FBXO21: variants seen among roughly 807,000 people sequenced by gnomAD.
The protein encoded by FBXO21 is F-box protein 21.
In FBXO21, 32 loss-of-function variants were observed where a neutral mutation model predicts 76.6. That is an observed-to-expected ratio of 0.42 (90% CI 0.32 to 0.56). The LOEUF is 0.56. FBXO21 is among the 20% of genes least tolerant of loss of function. The pLI, the probability that FBXO21 is intolerant of heterozygous loss-of-function variation, is 0.16. For synonymous variants in FBXO21, 328 were observed against 311.5 expected (o/e 1.05, Z -0.56); for missense variants, 586 against 797.3 (o/e 0.73, Z 3.19).
chr12:117,155,968 C>T lies in FBXO21; in HGVS notation c.1518-20G>A. The T allele has an allele frequency of 6.2e-7, 1 of 1,612,220 alleles. No homozygotes were observed. The highest frequency in any genetic ancestry group is 1.1e-5 in the South Asian group (1 of 91,046). Reference sequence around the variant, plus strand: ...CCATACCTAGTTAACACAGGAGGAGCAGTCAGTCCCTGCAGACCCGGCCGC... The same window carrying T: ...CCATACCTAGTTAACACAGGAGGAGTAGTCAGTCCCTGCAGACCCGGCCGC... On this transcript the variant is annotated intron_variant, in intron 10 of 11. Transcript: ENST00000622495.
Position 117,190,440 on chromosome 12 carries a change from ACTG to A in FBXO21, c.14_16del (p.Ala5del). On this transcript the variant is annotated inframe_deletion, in exon 1 of 12. Coordinates refer to ENST00000622495, the MANE Select transcript of FBXO21 (RefSeq NM_015002.3). Reference sequence around the variant, plus strand: ...CGGCACCACCTCCATCGCGCTGTCGACTGCTGCCGCCGCCATCTTGTCCGCGTA... The same window carrying A: ...CGGCACCACCTCCATCGCGCTGTCGACTGCCGCCGCCATCTTGTCCGCGTA... 1 of 1,391,180 alleles carries A rather than the reference ACTG, an allele frequency of 7.2e-7. No individual in the cohort carries two copies. Among genetic ancestry groups the A allele is most frequent in the Non-Finnish European group, 9.6e-7 (1 of 1,043,550 alleles). The allele number at this position is 1,391,180 out of a possible 1,614,324, so 86.2% of individuals were successfully genotyped here.
At chr12:117,183,296 G>A (rs935011819) in intron 3 of FBXO21, among the ~76,000 whole-genome samples, 1 of 151,400 alleles carries the variant, frequency 6.6e-6, no homozygotes, top group East Asian at 1.9e-4. Flanking sequence ...TGTCACCCAG[G>A]CTGGAATGCA....
At chr12:117,170,605 T>C (rs1956108257) in intron 7 of FBXO21, among the ~76,000 whole-genome samples, 1 of 152,152 alleles carries the variant, frequency 6.6e-6, no homozygotes, top group African/African-American at 2.4e-5. Context: ...GCCTTGTCCC[T>C]GAGGGCTGAG....
chr12:117,187,953 G>C (rs1271465870), intron 2 of FBXO21, among the ~76,000 whole-genome samples: 1 of 152,164 alleles, frequency 6.6e-6, no homozygotes, highest in Non-Finnish European at 1.5e-5. Context: ...TTACACTAAG[G>C]AATGTCTATT....
Position 117,174,285 on chromosome 12 carries a change from T to C in FBXO21, c.796A>G (p.Asn266Asp), listed in dbSNP as rs759588241. The change falls in exon 6 of 12, where the codon AAC becomes GAC. Residue 266 changes from asparagine (N) to aspartate (D), a missense_variant. By Grantham distance (23) the Asn-to-Asp change is conservative (BLOSUM62 1). Around this residue, in one of 6 missense-constraint regions of FBXO21, gnomAD observed 246 missense variants for 356.8 expected, o/e 0.69. Coordinates refer to ENST00000622495, the MANE Select transcript of FBXO21 (RefSeq NM_015002.3). ...ELQSQVLDAMNYVLYDQLKFK... is the reference protein window; with the variant it reads ...ELQSQVLDAMDYVLYDQLKFK... ...TTCAGTTGGTCGTAAAGGACATAGT[T>C]CATGGCATCCAGCACCTGGCTCTGG... 1 of 1,613,894 alleles carries C rather than the reference T, an allele frequency of 6.2e-7. No homozygotes were observed. The highest frequency in any genetic ancestry group is 1.1e-5 in the South Asian group (1 of 91,078).
At chr12:117,157,204 A>T (rs564810893) in intron 10 of FBXO21, among the ~76,000 whole-genome samples, 3 of 152,202 alleles carry the variant, frequency 2.0e-5, no homozygotes, top group African/African-American at 7.2e-5. Context: ...AAAAGAAAAA[A>T]AGAAAAGAAA....
chr12:117,175,796 T>C (rs1956166981), intron 4 of FBXO21, among the ~76,000 whole-genome samples: 1 of 152,228 alleles, frequency 6.6e-6, no homozygotes, highest in Non-Finnish European at 1.5e-5. Context: ...GAGAGCCAAC[T>C]GTCATTCACT....
At chr12:117,182,695 C>T (rs1258531340) in intron 3 of FBXO21, among the ~76,000 whole-genome samples, 3 of 151,432 alleles carry the variant, frequency 2.0e-5, no homozygotes, top group East Asian at 1.9e-4. Flanking sequence ...CCCGAGTAGC[C>T]GGGATTACAG....
In FBXO21 at chr12:117,143,004, C is replaced by A. The variant is rs1319113115; in HGVS notation, c.*3083G>T. The A allele has an allele frequency of 6.6e-6, 1 of 152,110 alleles. No homozygotes were observed. Among genetic ancestry groups the A allele is most frequent in the African/African-American group, 2.4e-5 (1 of 41,366 alleles). 9.4% of individuals were successfully genotyped at this position (152,110 alleles called of 1,614,324 possible). A position where few individuals can be genotyped will look rare whatever the true frequency, so the allele number is the denominator to read the frequency against. ...AAAATCATTTTGCTGTGTAAACGCG[C>A]TTATAATGGGGATCTGTTATGAGTC... On this transcript the variant is annotated 3_prime_UTR_variant, in exon 12 of 12. Coordinates refer to ENST00000622495, the MANE Select transcript of FBXO21 (RefSeq NM_015002.3).
intron 9 of FBXO21, 86 bp downstream of exon 9, chr12:117,165,399 C>T (rs1050211570): frequency 4.5e-6 from 6 of 1,331,760 alleles, no homozygotes; most frequent in African/African-American, 1.5e-5. Flanking sequence ...CCCATGTTAA[C>T]ACAAAGATAA....
intron 7 of FBXO21, among the ~76,000 whole-genome samples, chr12:117,167,853 G>A (rs1413346821): frequency 6.6e-6 from 1 of 152,164 alleles, no homozygotes; most frequent in Non-Finnish European, 1.5e-5. Context: ...CACAGCCTTG[G>A]GCTGGGAACC....
intron 2 of FBXO21, among the ~76,000 whole-genome samples, 189 bp from the exon 3 acceptor site, chr12:117,186,760 T>G (rs1956287187): frequency 6.6e-6 from 1 of 152,232 alleles, no homozygotes; most frequent in African/African-American, 2.4e-5. Flanking sequence ...GAGGTTTTGT[T>G]GTTGTTTGTA....
intron 11 of FBXO21, chr12:117,154,158 C>T (rs1206271144): frequency 6.6e-5 from 10 of 152,194 alleles, no homozygotes; most frequent in Admixed American, 6.5e-4. Flanking sequence ...CAATAATGTC[C>T]AAATCATGTG....
chr12:117,164,434 G>A (rs187133931), intron 9 of FBXO21, among the ~76,000 whole-genome samples: 67 of 152,032 alleles, frequency 4.4e-4, no homozygotes, highest in African/African-American at 1.6e-3. Flanking sequence ...CCACCACCAC[G>A]CCCAGCTAAT....
intron 3 of FBXO21, among the ~76,000 whole-genome samples, chr12:117,179,401 G>A (rs1309076266): frequency 4.6e-5 from 7 of 151,958 alleles, no homozygotes; most frequent in South Asian, 2.1e-4. Context: ...CTAAACAGGC[G>A]AGTCTGTTTT....
chr12:117,146,114 A>C lies in FBXO21; in HGVS notation c.1839T>G (p.Ser613Arg). 1 of 1,608,088 alleles carries C rather than the reference A, an allele frequency of 6.2e-7. No homozygotes were observed. The highest frequency in any genetic ancestry group is 8.5e-7 in the Non-Finnish European group (1 of 1,178,126). ...FVYETVQNIY[S>R]AKKENIDE ...ACTCATCTATGTTCTCTTTCTTTGCACTGTAAATATTCTGCACCGTTTCAT... is the reference window on the plus strand; with the variant it reads ...ACTCATCTATGTTCTCTTTCTTTGCCCTGTAAATATTCTGCACCGTTTCAT... The change falls in exon 12 of 12, where the codon AGT becomes AGG. Residue 613 changes from serine to arginine, a missense_variant. By Grantham distance (110) the Ser-to-Arg change is moderately radical (BLOSUM62 -1). Coordinates refer to ENST00000622495, the MANE Select transcript of FBXO21 (RefSeq NM_015002.3).
rs145768756 is a variant in FBXO21, at chr12:117,179,518, C to T, written c.471-1877G>A. Among the ~76,000 whole-genome samples the T allele has an allele frequency of 7.0e-3, 1,066 of 152,130 alleles. 4 individuals are homozygous for T. The highest frequency in any genetic ancestry group is 0.012 in the Non-Finnish European group (836 of 67,998). ...GGTTGTTTGACCTGCAGTTTCCCAT[C>T]GTCTGAAATTTGCTGACTGTACCCA... On this transcript the variant is annotated intron_variant, in intron 3 of 11. Coordinates refer to ENST00000622495, the MANE Select transcript of FBXO21 (RefSeq NM_015002.3).
At position 117,151,181 on chromosome 12, in the gene FBXO21, T is replaced by G. The variant is rs1955838134; in HGVS notation, c.1675+4610A>C. ...ACATGGTAGTTGAATTCCTGGCCTT[T>G]CAATACGGCGGCTGACCTAGACTCG... On this transcript the variant is annotated intron_variant, in intron 11 of 11. Coordinates refer to ENST00000622495, the MANE Select transcript of FBXO21 (RefSeq NM_015002.3). 2.6e-5 allele frequency among the ~76,000 whole-genome samples: 4 copies of G among 152,224 alleles called. No individual in the cohort carries two copies. The South Asian group carries it at 8.3e-4, about 32-fold the overall frequency.
At chr12:117,151,129 C>G (rs1220297325) in intron 11 of FBXO21, among the ~76,000 whole-genome samples, 1 of 152,124 alleles carries the variant, frequency 6.6e-6, no homozygotes, top group Non-Finnish European at 1.5e-5. Flanking sequence ...TTTACCATTA[C>G]AGACAAAACT....
Sources: gnomAD v4.1 joint callset for allele counts (sites outside exome capture counted in the v4.1 genomes callset) on GRCh38, gnomAD v4.1.1 for gene constraint, gnomAD v4.1.1 regional missense constraint, MANE v1.5 for transcripts, NCBI Gene and HGNC (gene_info 2026-07-23, HGNC 2026-07-21) for gene names.